The following TOR3A variants were observed in gnomAD, a reference collection of about 807,000 sequenced individuals.
TOR3A encodes the protein torsin family 3 member A, also known as torsin-3A.
TOR3A carries 44 observed loss-of-function variants against 42.1 expected under a neutral mutation model. That is an observed-to-expected ratio of 1.04 (90% CI 0.82 to 1.34). The LOEUF is 1.34. TOR3A is among the 40% of genes most tolerant of loss of function. TOR3A has a pLI of 0.00. For synonymous variants in TOR3A, 227 were observed against 213.2 expected (o/e 1.06, Z -0.57); for missense variants, 521 against 507.6 (o/e 1.03, Z -0.25).
At position 179,095,085 on chromosome 1, in the gene TOR3A, A is replaced by T; in HGVS notation, c.1061A>T (p.Gln354Leu). Residue 354 changes from glutamine to leucine, a missense_variant, in exon 6 of 6, where the codon CAG (glutamine) becomes CTG (leucine). By Grantham distance (113) the Gln-to-Leu change is moderately radical. Transcript: ENST00000367627. ...TGTGCACGGGATGCCTTCCTGAGCC[A>T]GGAGCTCCTGTATAAAGAAGAGACA... Reference protein sequence around the residue: ...RLCARDAFLSQELLYKEETLD... With the variant: ...RLCARDAFLSLELLYKEETLD... The T allele has an allele frequency of 6.2e-7, 1 of 1,614,210 alleles. No individual in the cohort carries two copies. The highest frequency in any genetic ancestry group is 2.2e-5 in the East Asian group (1 of 44,876).
At position 179,095,156 on chromosome 1, in the gene TOR3A, C is replaced by A. The variant is rs1404711220; in HGVS notation, c.1132C>A (p.Gln378Lys). 2 of 1,614,162 alleles carry A rather than the reference C, an allele frequency of 1.2e-6. No homozygotes were observed. The highest frequency in any genetic ancestry group is 2.2e-5 in the East Asian group (1 of 44,880). The change falls in exon 6 of 6, where the codon CAA becomes AAA. Residue 378 changes from glutamine (Q) to lysine (K), a missense_variant. Coordinates refer to ENST00000367627, the MANE Select transcript of TOR3A (RefSeq NM_022371.4). ...GATGGTGTATGTCCCCAAGGAGGAACAACTCTTTTCTTCCCAGGGCTGCAA... is the reference window on the plus strand; with the variant it reads ...GATGGTGTATGTCCCCAAGGAGGAAAAACTCTTTTCTTCCCAGGGCTGCAA... ...QMMVYVPKEEQLFSSQGCKSI... is the reference protein window; with the variant it reads ...QMMVYVPKEEKLFSSQGCKSI...
At chr1:179,085,422 C>CAA (rs369392265) in intron 2 of TOR3A, 2,741 of 444,314 alleles carry the variant, frequency 6.2e-3, no homozygotes, top group South Asian at 9.8e-3. Context: ...GACTCCATCT[C>CAA]AAAAAAAAAA....
At chr1:179,088,759 C>T (rs1018151335) in intron 4 of TOR3A, among the ~76,000 whole-genome samples, 3 of 152,308 alleles carry the variant, frequency 2.0e-5, no homozygotes, top group South Asian at 4.1e-4. Flanking sequence ...GACATCTTTG[C>T]GTGAAGCCAA....
At chr1:179,087,829 C>A in intron 3 of TOR3A, 82 bp from the exon 4 acceptor site, 1 of 1,385,324 alleles carries the variant, frequency 7.2e-7, no homozygotes. Context: ...GTCCATTGCA[C>A]ATGCCCAGGG....
At chr1:179,083,092 G>C in intron 2 of TOR3A, 39 bp downstream of exon 2, 2 of 1,268,216 alleles carry the variant, frequency 1.6e-6, no homozygotes, top group South Asian at 1.6e-5. Flanking sequence ...AGGGATCTGT[G>C]GGGAGGGGAG....
At chr1:179,094,308 G>A (rs1219107146) in intron 5 of TOR3A, 91 bp downstream of exon 5, 1 of 1,483,004 alleles carries the variant, frequency 6.7e-7, no homozygotes, top group Non-Finnish European at 9.0e-7. Context: ...AAGCAGACAG[G>A]GTACTTGGGA....
chr1:179,089,387 G>C (rs1353489536), intron 4 of TOR3A, among the ~76,000 whole-genome samples: 1 of 152,100 alleles, frequency 6.6e-6, no homozygotes, highest in Non-Finnish European at 1.5e-5. Flanking sequence ...TGTAGTGGCG[G>C]GAAGCCCTTC....
intron 3 of TOR3A, 25 bp from the exon 4 acceptor site, chr1:179,087,886 C>T: frequency 6.6e-7 from 1 of 1,518,918 alleles, no homozygotes; most frequent in Non-Finnish European, 8.8e-7. Context: ...ACCACTTCCC[C>T]AGCTGCTCCC....
intron 2 of TOR3A, 96 bp from the exon 3 acceptor site, chr1:179,085,532 A>G (rs752972218): frequency 6.8e-7 from 1 of 1,478,612 alleles, no homozygotes; most frequent in Non-Finnish European, 9.3e-7. Flanking sequence ...TCCACCCGAG[A>G]GAGATTCAGA....
At chr1:179,088,823 G>A (rs1652501832) in intron 4 of TOR3A, among the ~76,000 whole-genome samples, 1 of 152,320 alleles carries the variant, frequency 6.6e-6, no homozygotes, top group South Asian at 2.1e-4. Context: ...AACTGGGGGA[G>A]TCCTGTGTCT....
chr1:179,088,152 AG>A, intron 4 of TOR3A, 63 bp downstream of exon 4: 2 of 1,465,804 alleles, frequency 1.4e-6, no homozygotes, highest in Non-Finnish European at 1.8e-6. Context: ...CTGGCAGTGG[AG>A]GCTTCCACAC....
At chr1:179,091,746 A>T (rs1572576753) in intron 4 of TOR3A, 2 of 152,418 alleles carry the variant, frequency 1.3e-5, no homozygotes, top group African/African-American at 4.8e-5. Flanking sequence ...GTTTCACAGC[A>T]CCCTGGATCC....
intron 4 of TOR3A, 192 bp downstream of exon 4, chr1:179,088,281 C>T (rs760032888): frequency 8.2e-6 from 4 of 487,672 alleles, no homozygotes; most frequent in East Asian, 7.4e-5. Context: ...GCCAAGGCGG[C>T]CGGGTCCCTT....
chr1:179,088,045 G>C lies in TOR3A; in HGVS notation c.774G>C (p.Glu258Asp), dbSNP rs1250917979. The C allele has an allele frequency of 6.2e-7, 1 of 1,611,618 alleles. No individual in the cohort carries two copies. Among genetic ancestry groups the C allele is most frequent in the Non-Finnish European group, 8.5e-7 (1 of 1,179,056 alleles). The change falls in exon 4 of 6, where the codon GAG becomes GAC. Residue 258 changes from glutamate to aspartate, a missense_variant. Transcript: ENST00000367627. Reference sequence around the variant, plus strand: ...CACACTTAGAACGCCGGGCCCCTGAGGGCCACAGGGCTGAGTCTCCATGGA... The same window carrying C: ...CACACTTAGAACGCCGGGCCCCTGACGGCCACAGGGCTGAGTCTCCATGGA... Reference protein sequence around the residue: ...LGPHLERRAPEGHRAESPWTI... With the variant: ...LGPHLERRAPDGHRAESPWTI...
chr1:179,093,994 C>G (rs529022581), intron 4 of TOR3A, 99 bp from the exon 5 acceptor site: 80 of 1,460,776 alleles, frequency 5.5e-5, no homozygotes, highest in Non-Finnish European at 7.2e-5. Context: ...CCCTCAGCCT[C>G]TATTCTTCCA....
chr1:179,084,597 GC>G (rs1335458008), intron 2 of TOR3A, among the ~76,000 whole-genome samples: 1 of 152,184 alleles, frequency 6.6e-6, no homozygotes, highest in East Asian at 1.9e-4. Context: ...AAAACACTTA[GC>G]CCAGTTCTGA....
Position 179,086,925 on chromosome 1 carries a change from T to A in TOR3A, c.640-986T>A, listed in dbSNP as rs543805158. ...CACCTGGGAAGATTATGTCAGCGTC[T>A]GAGGACAGAGGCTGCCCGCGTCTCC... On this transcript the variant is annotated intron_variant, in intron 3 of 5. Coordinates refer to ENST00000367627, the MANE Select transcript of TOR3A (RefSeq NM_022371.4). Among the ~76,000 whole-genome samples, 38 of 152,334 alleles carry A rather than the reference T, an allele frequency of 2.5e-4. No individual in the cohort carries two copies. In the East Asian group the frequency reaches 5.2e-3, roughly 21 times the overall value.
Position 179,095,840 on chromosome 1 carries a change from A to G in TOR3A, c.*622A>G. The G allele has an allele frequency of 8.1e-6, 8 of 986,286 alleles. No homozygotes were observed. Among genetic ancestry groups the G allele is most frequent in the Non-Finnish European group, 9.6e-6 (8 of 830,814 alleles). The allele number at this position is 986,286 out of a possible 1,614,324, so 61.1% of individuals were successfully genotyped here. On this transcript the variant is annotated 3_prime_UTR_variant, in exon 6 of 6. Transcript: ENST00000367627. ...CCTGAGGCTGAAGGGAAAAGTACAC[A>G]GAGGAAGATATTTTACAAACCAGGT... is the stretch of plus-strand genomic sequence containing the variant.
In TOR3A at chr1:179,095,964, A is replaced by ATGAT. The variant is rs1289486517; in HGVS notation, c.*747_*750dup. The ATGAT allele has an allele frequency of 2.3e-5, 23 of 985,180 alleles. No homozygotes were observed. Among genetic ancestry groups the ATGAT allele is most frequent in the East Asian group, 1.1e-4 (1 of 8,820 alleles). 61.0% of individuals were successfully genotyped at this position (985,180 alleles called of 1,614,324 possible). A position where few individuals can be genotyped will look rare whatever the true frequency, so the allele number is the denominator to read the frequency against. On this transcript the variant is annotated 3_prime_UTR_variant, in exon 6 of 6. Coordinates refer to ENST00000367627, the MANE Select transcript of TOR3A (RefSeq NM_022371.4). ...CTTGACATGTTTGTTGTATGTAAAG[A>ATGAT]TGATAAGATTAAAATTTTTGATTTT...
Sources: gnomAD v4.1 joint callset for allele counts (sites outside exome capture counted in the v4.1 genomes callset) on GRCh38, gnomAD v4.1.1 for gene constraint, MANE v1.5 for transcripts, NCBI Gene and HGNC (gene_info 2026-07-23, HGNC 2026-07-21) for gene names.